Variants in TLX1 observed in about 807,000 individuals in gnomAD.
TLX1 encodes the protein T cell leukemia homeobox 1, also known as T-cell leukemia homeobox protein 1.
In TLX1, 6 loss-of-function variants were observed where a neutral mutation model predicts 26.5. That is an observed-to-expected ratio of 0.23 (90% CI 0.12 to 0.45). The LOEUF (loss-of-function observed/expected upper bound fraction) is 0.45. TLX1 is among the 20% of genes least tolerant of loss of function. The probability of loss-of-function intolerance (pLI) is 0.99; values close to 1 mark genes in which losing one functional copy is unlikely to be tolerated. For synonymous variants in TLX1, 217 were observed against 219.7 expected (o/e 0.99, Z 0.11); for missense variants, 418 against 482.6 (o/e 0.87, Z 1.25).
chr10:101,131,485 C>G lies in TLX1; in HGVS notation c.-57C>G, dbSNP rs529590604. On this transcript the variant is annotated 5_prime_UTR_variant, in exon 1 of 3. Transcript: ENST00000370196. ...CCTCCCAGCCCCTGCTAGCTGCCCC[C>G]CGAGCCGAGCGCAGCGAGCGCCGCC... 30 of 1,363,742 alleles carry G rather than the reference C, an allele frequency of 2.2e-5. No homozygotes were observed. The South Asian group carries it at 3.6e-4, about 16-fold the overall frequency. The allele number at this position is 1,363,742 out of a possible 1,614,324, so 84.5% of individuals were successfully genotyped here. A position where few individuals can be genotyped will look rare whatever the true frequency, so the allele number is the denominator to read the frequency against.
intron 2 of TLX1, among the ~76,000 whole-genome samples, chr10:101,135,123 G>A (rs1019445930): frequency 2.0e-5 from 3 of 152,204 alleles, no homozygotes; most frequent in African/African-American, 7.2e-5. Context: ...CTCTCGAGCA[G>A]CCTCCCTCTC....
chr10:101,136,542 G>A, intron 2 of TLX1, 149 bp from the exon 3 acceptor site: 1 of 1,288,720 alleles, frequency 7.8e-7, no homozygotes, highest in South Asian at 1.2e-5. Flanking sequence ...CAAAAGAAGG[G>A]AACGCGTTAT....
At position 101,136,952 on chromosome 10, in the gene TLX1, AG is replaced by A; in HGVS notation, c.*43del. The A allele has an allele frequency of 1.2e-6, 2 of 1,605,900 alleles. No homozygotes were observed. Among genetic ancestry groups the A allele is most frequent in the Non-Finnish European group, 1.7e-6 (2 of 1,174,754 alleles). ...GCCCTGTGGGACCCCAGGCCCACTC[AG>A]GGGTCACTGAGGCCTGAGACCCAGG... On this transcript the variant is annotated 3_prime_UTR_variant, in exon 3 of 3. Coordinates refer to ENST00000370196, the MANE Select transcript of TLX1 (RefSeq NM_005521.4).
At position 101,134,341 on chromosome 10, in the gene TLX1, C is replaced by G. The variant is rs1409842721; in HGVS notation, c.735C>G (p.Val245=). 4 of 1,605,540 alleles carry G rather than the reference C, an allele frequency of 2.5e-6. No individual in the cohort carries two copies. The highest frequency in any genetic ancestry group is 2.7e-5 in the African/African-American group (2 of 74,280). ...CGCTCAAAATGACCGATGCGCAGGT[C>G]AAAACCTGGTTCCAGAACCGGCGGA... ...AKALKMTDAQ[V]KTWFQNRRTK... The change falls in exon 2 of 3, where the codon GTC becomes GTG. Residue 245 remains valine (V), a synonymous_variant. Coordinates refer to ENST00000370196, the MANE Select transcript of TLX1 (RefSeq NM_005521.4).
rs1012076974 is a variant in TLX1, at chr10:101,131,395, C to G, written c.-147C>G. ...GCGCCCCCTCTCTCCCTCCCCTCCC[C>G]CTTCTACTTTAGCCTTTCTGCGCAC... On this transcript the variant is annotated 5_prime_UTR_variant, in exon 1 of 3. Transcript: ENST00000370196. 3 of 486,182 alleles carry G rather than the reference C, an allele frequency of 6.2e-6. No homozygotes were observed. The highest frequency in any genetic ancestry group is 1.0e-5 in the Non-Finnish European group (3 of 295,858). 30.1% of individuals were successfully genotyped at this position (486,182 alleles called of 1,614,324 possible).
rs1161859751 is a variant in TLX1, at chr10:101,136,829, C to T, written c.909C>T (p.Leu303=). Residue 303 remains leucine (L), a synonymous_variant, in exon 3 of 3, where the codon CTC becomes CTT. Coordinates refer to ENST00000370196, the MANE Select transcript of TLX1 (RefSeq NM_005521.4). The part of the protein sequence containing the change: ...ADPLCVHNSS[L]FALQNLQPWS... ...CTCTGTGCGTGCACAACTCGTCGCT[C>T]TTCGCCCTGCAGAATCTGCAGCCGT... The T allele has an allele frequency of 6.2e-7, 1 of 1,613,622 alleles. No homozygotes were observed. The highest frequency in any genetic ancestry group is 8.5e-7 in the Non-Finnish European group (1 of 1,180,038).
At position 101,134,275 on chromosome 10, in the gene TLX1, G is replaced by C. The variant is rs766801824; in HGVS notation, c.669G>C (p.Gln223His). ...ICELEKRFHR[Q>H]KYLASAERAA... ...AGCTGGAGAAGCGCTTCCACCGCCA[G>C]AAGTACCTGGCCTCGGCCGAGCGCG... The change falls in exon 2 of 3, where the codon CAG becomes CAC. Residue 223 changes from glutamine to histidine, a missense_variant. Coordinates refer to ENST00000370196, the MANE Select transcript of TLX1 (RefSeq NM_005521.4). The C allele has an allele frequency of 5.0e-6, 8 of 1,612,350 alleles. No homozygotes were observed. Among genetic ancestry groups the C allele is most frequent in the Non-Finnish European group, 6.8e-6 (8 of 1,179,546 alleles).
chr10:101,133,003 C>T (rs1408671109), intron 1 of TLX1: 2 of 152,576 alleles, frequency 1.3e-5, no homozygotes, highest in Non-Finnish European at 1.5e-5. Context: ...TTTCTGCTCC[C>T]CTTAGGGTTC....
At position 101,131,337 on chromosome 10, in the gene TLX1, G is replaced by C. The variant is rs1357969633; in HGVS notation, c.-205G>C. The C allele has an allele frequency of 9.5e-6, 4 of 422,920 alleles. No homozygotes were observed. Among genetic ancestry groups the C allele is most frequent in the Non-Finnish European group, 8.2e-6 (2 of 243,544 alleles). 26.2% of individuals were successfully genotyped at this position (422,920 alleles called of 1,614,324 possible). ...TCAACAGCGAGCGAGCAGCCGGAGC[G>C]GGGAAGCAGAAGCCAGAGAGGGGAA... is the stretch of plus-strand genomic sequence containing the variant. On this transcript the variant is annotated 5_prime_UTR_variant, in exon 1 of 3. Transcript: ENST00000370196.
At position 101,132,194 on chromosome 10, in the gene TLX1, G is replaced by C. The variant is rs1358737018; in HGVS notation, c.568+85G>C. On this transcript the variant is annotated intron_variant, in intron 1 of 2. Transcript: ENST00000370196. The surrounding 1 kb of genome is among the most constrained non-coding windows in gnomAD (Gnocchi z 4.1). ...CCCGCCGGGTGGCTCCCCAAAGCCG[G>C]TTCTGCGCTCCAGGTCGCCCAGCTC... is the stretch of plus-strand genomic sequence containing the variant. The C allele has an allele frequency of 5.0e-6, 6 of 1,193,672 alleles. No individual in the cohort carries two copies. The highest frequency in any genetic ancestry group is 4.1e-5 in the Admixed American group (1 of 24,292). The allele number at this position is 1,193,672 out of a possible 1,614,324, so 73.9% of individuals were successfully genotyped here.
At chr10:101,134,512 A>G (rs1186950724) in intron 2 of TLX1, 136 bp downstream of exon 2, 4 of 1,045,096 alleles carry the variant, frequency 3.8e-6, no homozygotes, top group Non-Finnish European at 5.4e-6. Context: ...AGCTCCCGCT[A>G]GGCTTGCGGG....
Position 101,136,747 on chromosome 10 carries a change from T to G in TLX1, c.827T>G (p.Leu276Arg). Residue 276 changes from leucine (L) to arginine (R), a missense_variant, in exon 3 of 3, where the codon CTG (leucine) becomes CGG (arginine). Physicochemically the swap from Leu to Arg is moderately radical, Grantham distance 102. Around this residue, in one of 3 missense-constraint regions of TLX1, gnomAD observed 78 missense variants for 92.2 expected, o/e 0.85. Transcript: ENST00000370196. The stretch of plus-strand genomic sequence containing the variant: ...AGGCAGCAAGCGAACCGCATCCTCC[T>G]GCAGTTGCAGCAGGAGGCCTTCCAG... ...AERQQANRIL[L>R]QLQQEAFQKS... 2.5e-6 allele frequency: 4 copies of G among 1,613,262 alleles called. No individual in the cohort carries two copies. Among genetic ancestry groups the G allele is most frequent in the Non-Finnish European group, 3.4e-6 (4 of 1,179,990 alleles).
At chr10:101,134,104 G>A in intron 1 of TLX1, 71 bp from the exon 2 acceptor site, 1 of 1,441,196 alleles carries the variant, frequency 6.9e-7, no homozygotes, top group African/African-American at 1.4e-5. Flanking sequence ...ACGCTCTGCT[G>A]CTTGCCTCTG....
In TLX1 at chr10:101,131,956, C is replaced by A; in HGVS notation, c.415C>A (p.Pro139Thr). The change falls in exon 1 of 3, where the codon CCG (proline) becomes ACG (threonine). Residue 139 changes from proline (P) to threonine (T), a missense_variant. By Grantham distance (38) the Pro-to-Thr change is conservative. Transcript: ENST00000370196. ...AGVIRVPAHR[P>T]LAGAVAHPQP... Reference sequence around the variant, plus strand: ...GGTAATCCGGGTGCCGGCACACAGGCCGCTCGCCGGAGCCGTGGCCCACCC... The same window carrying A: ...GGTAATCCGGGTGCCGGCACACAGGACGCTCGCCGGAGCCGTGGCCCACCC... The A allele has an allele frequency of 6.7e-7, 1 of 1,485,168 alleles. No individual in the cohort carries two copies. Among genetic ancestry groups the A allele is most frequent in the Non-Finnish European group, 8.9e-7 (1 of 1,123,468 alleles). 92.0% of individuals were successfully genotyped at this position (1,485,168 alleles called of 1,614,324 possible).
In TLX1 at chr10:101,131,438, G is replaced by A; in HGVS notation, c.-104G>A. The stretch of plus-strand genomic sequence containing the variant: ...CTGCGCACTTCGCTTCCAAGTCTCC[G>A]CGCAGCCAGGAGCCGCTGTTGCCTC... On this transcript the variant is annotated 5_prime_UTR_variant, in exon 1 of 3. Coordinates refer to ENST00000370196, the MANE Select transcript of TLX1 (RefSeq NM_005521.4). The A allele has an allele frequency of 1.1e-6, 1 of 931,016 alleles. No individual in the cohort carries two copies. Among genetic ancestry groups the A allele is most frequent in the Non-Finnish European group, 1.4e-6 (1 of 690,332 alleles). 57.7% of individuals were successfully genotyped at this position (931,016 alleles called of 1,614,324 possible).
In TLX1 at chr10:101,131,450, G is replaced by A. The variant is rs1940167268; in HGVS notation, c.-92G>A. ...CTTCCAAGTCTCCGCGCAGCCAGGA[G>A]CCGCTGTTGCCTCCCAGCCCCTGCT... is the stretch of plus-strand genomic sequence containing the variant. On this transcript the variant is annotated 5_prime_UTR_variant, in exon 1 of 3. Transcript: ENST00000370196. 5 of 1,068,536 alleles carry A rather than the reference G, an allele frequency of 4.7e-6. 1 individual carries two copies. In the East Asian group the frequency reaches 1.6e-4, roughly 34 times the overall value. 66.2% of individuals were successfully genotyped at this position (1,068,536 alleles called of 1,614,324 possible).
In TLX1 at chr10:101,132,536, G is replaced by A. The variant is rs575391290; in HGVS notation, c.568+427G>A. Among the ~76,000 whole-genome samples, 6 of 152,332 alleles carry A rather than the reference G, an allele frequency of 3.9e-5. No individual in the cohort carries two copies. Among genetic ancestry groups the A allele is most frequent in the Admixed American group, 3.9e-4 (6 of 15,302 alleles). ...AGCCCCAGGATCAGACACAAGAAAA[G>A]AACAGGTTCCCCCACCTCCAGTCCC... On this transcript the variant is annotated intron_variant, in intron 1 of 2. Coordinates refer to ENST00000370196, the MANE Select transcript of TLX1 (RefSeq NM_005521.4). This position sits in a 1 kb window ranked among gnomAD's most constrained non-coding sequence, Gnocchi z 4.1.
intron 2 of TLX1, 72 bp from the exon 3 acceptor site, chr10:101,136,619 C>T (rs1326412290): frequency 1.2e-6 from 2 of 1,610,306 alleles, no homozygotes; most frequent in Admixed American, 1.7e-5. Context: ...CTCCTGGGAA[C>T]GCACCAGGAG....
chr10:101,131,557 C>A lies in TLX1; in HGVS notation c.16C>A (p.Pro6Thr). The A allele has an allele frequency of 1.3e-6, 2 of 1,515,924 alleles. No individual in the cohort carries two copies. The highest frequency in any genetic ancestry group is 1.3e-5 in the South Asian group (1 of 76,314). The allele number at this position is 1,515,924 out of a possible 1,614,324, so 93.9% of individuals were successfully genotyped here. A position where few individuals can be genotyped will look rare whatever the true frequency, so the allele number is the denominator to read the frequency against. Residue 6 changes from proline to threonine, a missense_variant, in exon 1 of 3, where the codon CCG becomes ACG. By Grantham distance (38) the Pro-to-Thr change is conservative. Coordinates refer to ENST00000370196, the MANE Select transcript of TLX1 (RefSeq NM_005521.4). MEHLG[P>T]HHLHPGHAEP... is the part of the protein sequence containing the mutation. The stretch of plus-strand genomic sequence containing the variant: ...CAGGGCCAGCATGGAGCACCTGGGT[C>A]CGCACCACCTCCACCCGGGTCACGC...
Sources: gnomAD v4.1 joint callset for allele counts (sites outside exome capture counted in the v4.1 genomes callset) on GRCh38, gnomAD v4.1.1 for gene constraint, gnomAD v4.1.1 regional missense constraint, Gnocchi (gnomAD v3.1) non-coding constraint, MANE v1.5 for transcripts, NCBI Gene and HGNC (gene_info 2026-07-23, HGNC 2026-07-21) for gene names.